TENM1: variants seen among roughly 807,000 people sequenced by gnomAD.
TENM1 encodes the protein teneurin transmembrane protein 1.
A neutral mutation model predicts 174.8 loss-of-function variants in TENM1; 35 were observed. The observed-to-expected ratio is 0.20, with a 90% CI of 0.15 to 0.27. The LOEUF (loss-of-function observed/expected upper bound fraction) is 0.27, where lower values mean the gene tolerates loss of function less well. Ranked by LOEUF, TENM1 falls within the 10% of genes least tolerant of loss-of-function variation. The probability of loss-of-function intolerance (pLI) is 1.00; values close to 1 mark genes in which losing one functional copy is unlikely to be tolerated. For missense variants in TENM1, 1,633 were observed against 2,130.1 expected (o/e 0.77, Z 4.59); for synonymous variants, 781 against 798.7 (o/e 0.98, Z 0.37).
intron 4 of TENM1, among the ~76,000 whole-genome samples, chrX:124,705,604 T>C (rs2052882505): frequency 8.9e-6 from 1 of 111,771 alleles, no homozygotes. Flanking sequence ...GATGCATCAT[T>C]AGGCATTTTG....
In TENM1 at chrX:124,607,543, G is replaced by A. The variant is rs1256257111; in HGVS notation, c.2077+34248C>T. On this transcript the variant is annotated intron_variant, in intron 11 of 31. Transcript: ENST00000422452. ...AGGAGGCCAGAATTCTGCATATGTAGCTGGAGCAGCATGAAAGAGAGGAAG... is the reference window on the plus strand; with the variant it reads ...AGGAGGCCAGAATTCTGCATATGTAACTGGAGCAGCATGAAAGAGAGGAAG... Among the ~76,000 whole-genome samples the A allele has an allele frequency of 2.7e-5, 3 of 111,414 alleles. No individual in the cohort carries two copies. In the East Asian group the frequency reaches 8.5e-4, roughly 32 times the overall value.
At chrX:124,586,743 A>G (rs1286023750) in intron 11 of TENM1, among the ~76,000 whole-genome samples, 1 of 105,702 alleles carries the variant, frequency 9.5e-6, no homozygotes, top group Non-Finnish European at 1.9e-5. Context: ...AGAGGAAGTC[A>G]AATTGTCCCT....
the TENM1 span, among the ~76,000 whole-genome samples, chrX:125,081,596 ATACTTAC>A: frequency 9.0e-6 from 1 of 111,353 alleles, no homozygotes; most frequent in East Asian, 2.8e-4. Flanking sequence ...TAGCTTAAAA[ATACTTAC>A]TTTCTGAGCT....
At chrX:125,048,932 T>G in the TENM1 span, among the ~76,000 whole-genome samples, 3 of 111,392 alleles carry the variant, frequency 2.7e-5, no homozygotes, top group Non-Finnish European at 5.7e-5. Context: ...AAGCTTCAAT[T>G]TTCACATCTG....
intron 3 of TENM1, among the ~76,000 whole-genome samples, chrX:124,890,467 C>G (rs2095342267): frequency 1.8e-5 from 2 of 111,978 alleles, no homozygotes; most frequent in South Asian, 3.7e-4. Flanking sequence ...ATAAGAAGCT[C>G]AAACAACTCA....
At chrX:125,158,874 A>G in the TENM1 span, among the ~76,000 whole-genome samples, 1 of 111,531 alleles carries the variant, frequency 9.0e-6, no homozygotes, top group African/African-American at 3.3e-5. Context: ...AAAACATCCA[A>G]CATAATATTG....
chrX:124,752,494 T>G (rs1238813581), intron 3 of TENM1, among the ~76,000 whole-genome samples: 2 of 111,809 alleles, frequency 1.8e-5, no homozygotes, highest in Non-Finnish European at 3.8e-5. Flanking sequence ...CTCTTTAGTT[T>G]AATGAGATCC....
chrX:124,779,278 C>T (rs1050486128), intron 3 of TENM1, among the ~76,000 whole-genome samples: 5 of 111,570 alleles, frequency 4.5e-5, no homozygotes, highest in Non-Finnish European at 7.5e-5. Context: ...TCCTCAAAGA[C>T]GATTCATTTC....
At chrX:124,483,094 C>T (rs1163444963) in intron 21 of TENM1, among the ~76,000 whole-genome samples, 3 of 111,377 alleles carry the variant, frequency 2.7e-5, no homozygotes, top group Non-Finnish European at 5.7e-5. Flanking sequence ...TCCCATGCTG[C>T]CTGCAGAGTT....
At chrX:124,392,315 C>G (rs1323505163) in exon 28 of TENM1, 1 of 1,205,934 alleles carries the variant, frequency 8.3e-7, no homozygotes, top group Non-Finnish European at 1.1e-6. Context: ...GTTATATGAT[C>G]AAAATCTATG....
the TENM1 span, among the ~76,000 whole-genome samples, chrX:125,066,554 G>A: frequency 9.0e-6 from 1 of 111,006 alleles, no homozygotes; most frequent in East Asian, 2.9e-4. Context: ...ATTTTCTCTG[G>A]GTCTCAATTT....
intron 4 of TENM1, 77 bp from the exon 8 acceptor site, chrX:124,705,328 A>T: frequency 1.3e-6 from 1 of 785,776 alleles, no homozygotes. Flanking sequence ...CATTAATTTC[A>T]AACAATCATG....
At chrX:124,607,789 G>A (rs2050194375) in intron 11 of TENM1, among the ~76,000 whole-genome samples, 1 of 111,248 alleles carries the variant, frequency 9.0e-6, no homozygotes, top group Non-Finnish European at 1.9e-5. Flanking sequence ...GAAACAGGGA[G>A]ACCAATTAAC....
intron 3 of TENM1, among the ~76,000 whole-genome samples, chrX:124,742,014 G>A (rs187585720): frequency 2.1e-3 from 240 of 111,686 alleles, no homozygotes; most frequent in African/African-American, 7.1e-3. Context: ...AATAATTTTC[G>A]GTAGGTGTTA....
intron 25 of TENM1, among the ~76,000 whole-genome samples, chrX:124,408,144 AAATT>A (rs200251430): frequency 0.021 from 2,381 of 110,848 alleles, 66 homozygotes; most frequent in African/African-American, 0.075. Context: ...TTTTTAAAAA[AAATT>A]AATTAATTTT....
intron 3 of TENM1, among the ~76,000 whole-genome samples, chrX:124,884,835 C>T (rs1359162899): frequency 9.0e-6 from 1 of 111,617 alleles, no homozygotes; most frequent in East Asian, 2.8e-4. Flanking sequence ...GACACGGATA[C>T]AATTTGAGAA....
chrX:124,819,827 CCTCT>C (rs2055995808), intron 3 of TENM1, among the ~76,000 whole-genome samples: 1 of 108,649 alleles, frequency 9.2e-6, no homozygotes, highest in Non-Finnish European at 1.9e-5. Context: ...ACAGAATCTC[CCTCT>C]GTTTCCCTGG....
chrX:124,845,568 T>C (rs1196537988), intron 3 of TENM1, among the ~76,000 whole-genome samples: 2 of 111,715 alleles, frequency 1.8e-5, no homozygotes, highest in Admixed American at 9.5e-5. Context: ...ATTCCGAGCA[T>C]CAGATAAGTC....
At chrX:124,740,683 T>G (rs1430574181) in intron 3 of TENM1, among the ~76,000 whole-genome samples, 1 of 111,843 alleles carries the variant, frequency 8.9e-6, no homozygotes, top group Non-Finnish European at 1.9e-5. Context: ...GCAAATGATC[T>G]CAGATTCATT....
Sources: allele counts gnomAD v4.1 joint callset (sites outside exome capture counted in the v4.1 genomes callset), GRCh38; gene constraint gnomAD v4.1.1; transcripts MANE v1.5; gene names NCBI Gene and HGNC (gene_info 2026-07-23, HGNC 2026-07-21).